ADGRG5: variants seen among roughly 807,000 people sequenced by gnomAD.
The protein encoded by ADGRG5 is adhesion G protein-coupled receptor G5.
In ADGRG5, 37 loss-of-function variants were observed where a neutral mutation model predicts 53.2. The observed-to-expected ratio is 0.70, with a 90% CI of 0.53 to 0.91. The LOEUF (loss-of-function observed/expected upper bound fraction) is 0.91. Ranked by LOEUF, ADGRG5 falls within the 40% of genes least tolerant of loss-of-function variation. The probability of loss-of-function intolerance (pLI) is 0.00; values close to 1 mark genes in which losing one functional copy is unlikely to be tolerated. For missense variants in ADGRG5, 614 were observed against 675.8 expected (o/e 0.91, Z 1.01); for synonymous variants, 277 against 290.4 (o/e 0.95, Z 0.47).
intron 5 of ADGRG5, 134 bp from the exon 6 acceptor site, chr16:57,564,900 G>GA (rs1241082050): frequency 1.6e-6 from 1 of 644,006 alleles, no homozygotes; most frequent in Non-Finnish European, 2.8e-6. Context: ...GGGAGGCTGG[G>GA]AGGCTGAGAA....
chr16:57,562,506 G>A, intron 3 of ADGRG5, 47 bp downstream of exon 3: 2 of 1,354,102 alleles, frequency 1.5e-6, no homozygotes, highest in Non-Finnish European at 2.1e-6. Context: ...TTGAATCAGT[G>A]GGTCAGGGTT....
intron 1 of ADGRG5, among the ~76,000 whole-genome samples, chr16:57,549,010 A>G (rs907429497): frequency 5.9e-5 from 9 of 152,194 alleles, no homozygotes; most frequent in Non-Finnish European, 1.3e-4. Flanking sequence ...TAGTTTTATA[A>G]GAAACTGTCG....
rs1307728128 is a variant in ADGRG5, at chr16:57,574,280, C to G, written c.1209-535C>G. Reference sequence around the variant, plus strand: ...AGGTTGACACTTGGAGGGTCCCTGTCCACCAAGCCACAGGTTGGCAGCCCG... The same window carrying G: ...AGGTTGACACTTGGAGGGTCCCTGTGCACCAAGCCACAGGTTGGCAGCCCG... On this transcript the variant is annotated intron_variant, in intron 10 of 11. Coordinates refer to ENST00000349457, the MANE Select transcript of ADGRG5 (RefSeq NM_001304376.3). The surrounding 1 kb of genome is among the most constrained non-coding windows in gnomAD (Gnocchi z 4.4). Among the ~76,000 whole-genome samples, 2 of 152,168 alleles carry G rather than the reference C, an allele frequency of 1.3e-5. No homozygotes were observed. The highest frequency in any genetic ancestry group is 4.8e-5 in the African/African-American group (2 of 41,434).
intron 9 of ADGRG5, among the ~76,000 whole-genome samples, chr16:57,570,099 C>CCTTGCTTATTT (rs2033306970): frequency 6.6e-6 from 1 of 152,210 alleles, no homozygotes; most frequent in Non-Finnish European, 1.5e-5. Flanking sequence ...TCATCACCGT[C>CCTTGCTTATTT]CTTGCCCCTT....
chr16:57,541,755 G>A (rs1483759063), upstream of ADGRG5, among the ~76,000 whole-genome samples: 3 of 152,110 alleles, frequency 2.0e-5, no homozygotes, highest in African/African-American at 2.4e-5. Context: ...AGAGAGCACC[G>A]TCTCCCCATT....
chr16:57,547,013 GT>G (rs2146754711), intron 1 of ADGRG5, among the ~76,000 whole-genome samples: 1 of 152,272 alleles, frequency 6.6e-6, no homozygotes, highest in East Asian at 1.9e-4. Flanking sequence ...CACCTGGCCT[GT>G]CCAGATTTTG....
At position 57,574,852 on chromosome 16, in the gene ADGRG5, G is replaced by A; in HGVS notation, c.1246G>A (p.Val416Ile). 2 of 1,608,850 alleles carry A rather than the reference G, an allele frequency of 1.2e-6. No homozygotes were observed. Among genetic ancestry groups the A allele is most frequent in the Non-Finnish European group, 1.7e-6 (2 of 1,177,756 alleles). ...VRSPVVHSVL[V>I]MGYGGLTSLF... ...GAGCCCCGTGGTGCACAGTGTCCTGGTCATGGGCTACGGCGGCCTCACGTC... is the reference window on the plus strand; with the variant it reads ...GAGCCCCGTGGTGCACAGTGTCCTGATCATGGGCTACGGCGGCCTCACGTC... Residue 416 changes from valine to isoleucine, a missense_variant, in exon 11 of 12, where the codon GTC (valine) becomes ATC (isoleucine). Coordinates refer to ENST00000349457, the MANE Select transcript of ADGRG5 (RefSeq NM_001304376.3). This position sits in a 1 kb window ranked among gnomAD's most constrained non-coding sequence, Gnocchi z 4.4.
chr16:57,568,710 C>G (rs2033225228), intron 9 of ADGRG5, among the ~76,000 whole-genome samples: 4 of 151,678 alleles, frequency 2.6e-5, no homozygotes, highest in Admixed American at 2.6e-4. Context: ...CCATCATCAC[C>G]TCCTCAACCT....
chr16:57,564,965 G>A (rs1427192749), intron 5 of ADGRG5, 69 bp from the exon 6 acceptor site: 9 of 840,990 alleles, frequency 1.1e-5, no homozygotes, highest in African/African-American at 8.5e-5. Context: ...CCAGGGAAGC[G>A]GAGCTCAGAC....
intron 1 of ADGRG5, among the ~76,000 whole-genome samples, chr16:57,561,283 T>A (rs1401887909): frequency 1.3e-5 from 2 of 152,234 alleles, no homozygotes; most frequent in Non-Finnish European, 2.9e-5. Context: ...CTCCAAAATT[T>A]AGCTGACATC....
intron 5 of ADGRG5, 87 bp downstream of exon 5, chr16:57,564,066 G>C: frequency 6.8e-7 from 1 of 1,464,668 alleles, no homozygotes; most frequent in Non-Finnish European, 9.4e-7. Context: ...CTGGCCTCTG[G>C]GTGACCAGCA....
chr16:57,552,664 A>G (rs1247417924), intron 1 of ADGRG5, among the ~76,000 whole-genome samples: 1 of 152,216 alleles, frequency 6.6e-6, no homozygotes, highest in Non-Finnish European at 1.5e-5. Flanking sequence ...CATATCAGCA[A>G]TAAGGTTGTT....
At chr16:57,552,916 G>A (rs1596778532) in intron 1 of ADGRG5, among the ~76,000 whole-genome samples, 1 of 152,072 alleles carries the variant, frequency 6.6e-6, no homozygotes, top group African/African-American at 2.4e-5. Context: ...TTCTGATTTC[G>A]ATATTGTTGT....
Position 57,563,219 on chromosome 16 carries a change from C to T in ADGRG5, c.269C>T (p.Thr90Ile). 1 of 1,614,132 alleles carries T rather than the reference C, an allele frequency of 6.2e-7. No homozygotes were observed. Among genetic ancestry groups the T allele is most frequent in the Non-Finnish European group, 8.5e-7 (1 of 1,180,012 alleles). ...LSCDFSGLSL[T>I]SATLKRVPQA... Reference sequence around the variant, plus strand: ...TGTGACTTCTCTGGCCTCTCGCTGACCAGTGCCACTCTGAAGCGGGTGCCC... The same window carrying T: ...TGTGACTTCTCTGGCCTCTCGCTGATCAGTGCCACTCTGAAGCGGGTGCCC... The change falls in exon 4 of 12, where the codon ACC becomes ATC. Residue 90 changes from threonine to isoleucine, a missense_variant. Thr to Ile is a moderately conservative substitution (Grantham distance 89). Coordinates refer to ENST00000349457, the MANE Select transcript of ADGRG5 (RefSeq NM_001304376.3).
At chr16:57,535,818 A>T in the ADGRG5 span, among the ~76,000 whole-genome samples, 1 of 152,142 alleles carries the variant, frequency 6.6e-6, no homozygotes, top group East Asian at 1.9e-4. Context: ...ACGCTCTAAC[A>T]GGTGGGCAGA....
chr16:57,532,736 G>C, the ADGRG5 span, among the ~76,000 whole-genome samples: 2 of 146,364 alleles, frequency 1.4e-5, no homozygotes, highest in Non-Finnish European at 3.0e-5. Context: ...CACACACACA[G>C]AGGCAGACAC....
chr16:57,547,256 A>C (rs2032640645), intron 1 of ADGRG5, among the ~76,000 whole-genome samples: 1 of 152,158 alleles, frequency 6.6e-6, no homozygotes, highest in Non-Finnish European at 1.5e-5. Flanking sequence ...GAAGTTTTGA[A>C]AACACCTCTC....
the ADGRG5 span, among the ~76,000 whole-genome samples, chr16:57,534,105 C>G: frequency 6.6e-6 from 1 of 152,180 alleles, no homozygotes; most frequent in Non-Finnish European, 1.5e-5. Context: ...AAACCCCCAC[C>G]CATCTTCAAG....
At chr16:57,564,645 T>C (rs1443069892) in intron 5 of ADGRG5, among the ~76,000 whole-genome samples, 1 of 152,066 alleles carries the variant, frequency 6.6e-6, no homozygotes, top group African/African-American at 2.4e-5. Context: ...ATTATAGCCA[T>C]AGAGATCCAG....
Sources: allele counts gnomAD v4.1 joint callset (sites outside exome capture counted in the v4.1 genomes callset), GRCh38; gene constraint gnomAD v4.1.1; non-coding constraint Gnocchi (gnomAD v3.1); transcripts MANE v1.5; gene names NCBI Gene and HGNC (gene_info 2026-07-23, HGNC 2026-07-21).